CORO2B: variants seen among roughly 807,000 people sequenced by gnomAD.
The protein encoded by CORO2B is coronin-2B.
A neutral mutation model predicts 58.8 loss-of-function variants in CORO2B; 26 were observed. The observed-to-expected ratio is 0.44, with a 90% CI of 0.32 to 0.61. The LOEUF (loss-of-function observed/expected upper bound fraction) is 0.61, where lower values mean the gene tolerates loss of function less well. Among genes scored for constraint, CORO2B ranks in the 20% least tolerant of loss-of-function variants. CORO2B has a pLI of 0.04. For synonymous variants in CORO2B, 242 were observed against 253.8 expected (o/e 0.95, Z 0.44); for missense variants, 460 against 645.1 (o/e 0.71, Z 3.11).
chr15:68,650,989 C>T (rs1901623012), intron 2 of CORO2B, among the ~76,000 whole-genome samples: 1 of 152,160 alleles, frequency 6.6e-6, no homozygotes, highest in South Asian at 2.1e-4. Context: ...CAAATGTTTC[C>T]TCCCAGAGTA....
At chr15:68,657,972 G>A (rs1428669643) in intron 2 of CORO2B, among the ~76,000 whole-genome samples, 1 of 152,220 alleles carries the variant, frequency 6.6e-6, no homozygotes, top group Non-Finnish European at 1.5e-5. Flanking sequence ...TTGGTGGGGA[G>A]GGAGCAATGC....
chr15:68,719,469 A>G lies in CORO2B; in HGVS notation c.1228A>G (p.Lys410Glu). The change falls in exon 11 of 12, where the codon AAG (lysine) becomes GAG (glutamate). Residue 410 changes from lysine to glutamate, a missense_variant. Coordinates refer to ENST00000261861, the MANE Select transcript of CORO2B (RefSeq NM_006091.5). ...TAAGAAGTCCTCAAAAATGGTATTT[A>G]AGGCTCCCATCAAAGAAAAGAAGAG... ...GYKKSSKMVF[K>E]APIKEKKSVV... 1 of 1,614,154 alleles carries G rather than the reference A, an allele frequency of 6.2e-7. No individual in the cohort carries two copies. Among genetic ancestry groups the G allele is most frequent in the East Asian group, 2.2e-5 (1 of 44,884 alleles).
At position 68,645,842 on chromosome 15, in the gene CORO2B, C is replaced by T. The variant is rs549476099; in HGVS notation, c.216+482C>T. On this transcript the variant is annotated intron_variant, in intron 2 of 11. Coordinates refer to ENST00000261861, the MANE Select transcript of CORO2B (RefSeq NM_006091.5). The surrounding 1 kb of genome is among the most constrained non-coding windows in gnomAD (Gnocchi z 4.5). ...AGGCTGAAGTTCAATGGCGCGATCT[C>T]GGCTCACTGCAACCTCTGCCTCCCA... Among the ~76,000 whole-genome samples, 37 of 152,126 alleles carry T rather than the reference C, an allele frequency of 2.4e-4. No homozygotes were observed. Among genetic ancestry groups the T allele is most frequent in the Non-Finnish European group, 4.1e-4 (28 of 67,996 alleles).
intron 2 of CORO2B, among the ~76,000 whole-genome samples, chr15:68,685,827 A>G (rs1317525871): frequency 6.6e-6 from 1 of 152,190 alleles, no homozygotes; most frequent in Non-Finnish European, 1.5e-5. Context: ...CTCACTGGGC[A>G]TTGGGATTAC....
At chr15:68,722,253 A>G (rs1269791719) in intron 11 of CORO2B, among the ~76,000 whole-genome samples, 1 of 152,190 alleles carries the variant, frequency 6.6e-6, no homozygotes, top group African/African-American at 2.4e-5. Flanking sequence ...CTGGAGGAAA[A>G]GCTTAAAGGG....
chr15:68,634,306 G>A (rs1900958147), intron 1 of CORO2B, among the ~76,000 whole-genome samples: 1 of 152,234 alleles, frequency 6.6e-6, no homozygotes, highest in Admixed American at 6.5e-5. Context: ...ATTAGGCCCA[G>A]CTCTTTTACT....
At chr15:68,627,871 T>C (rs1007856956) in intron 1 of CORO2B, among the ~76,000 whole-genome samples, 3 of 152,012 alleles carry the variant, frequency 2.0e-5, no homozygotes, top group Non-Finnish European at 4.4e-5. Flanking sequence ...CCCTGTATCA[T>C]AGCTAACATA....
Position 68,726,343 on chromosome 15 carries a change from G to A in CORO2B, c.*369G>A, listed in dbSNP as rs757859991. 6.8e-6 allele frequency: 2 copies of A among 293,516 alleles called. No individual in the cohort carries two copies. The highest frequency in any genetic ancestry group is 1.3e-5 in the Non-Finnish European group (2 of 153,700). 18.2% of individuals were successfully genotyped at this position (293,516 alleles called of 1,614,324 possible). ...GACTTAGAACTTGGACTTTTCCCCT[G>A]TGAAGGGGGCTGCCAGGACATCTCA... On this transcript the variant is annotated 3_prime_UTR_variant, in exon 12 of 12. Coordinates refer to ENST00000261861, the MANE Select transcript of CORO2B (RefSeq NM_006091.5).
intron 1 of CORO2B, among the ~76,000 whole-genome samples, chr15:68,644,774 T>C (rs1042479540): frequency 3.3e-5 from 5 of 152,130 alleles, no homozygotes; most frequent in African/African-American, 1.2e-4. Context: ...GCATCTCCCA[T>C]GCTGAACCGA....
At position 68,599,051 on chromosome 15, in the gene CORO2B, C is replaced by G. The variant is rs16952288; in HGVS notation, c.15+19774C>G. Among the ~76,000 whole-genome samples the G allele has an allele frequency of 3.5e-3, 531 of 152,318 alleles. 8 individuals carry two copies. The highest frequency in any genetic ancestry group is 0.012 in the African/African-American group (493 of 41,558). On this transcript the variant is annotated intron_variant, in intron 1 of 11. Transcript: ENST00000261861. ...TGCCCAAACCACTTGGCTGGGCATTCAAAGCCTTCACTCTCTGGCCACCAT... is the reference window on the plus strand; with the variant it reads ...TGCCCAAACCACTTGGCTGGGCATTGAAAGCCTTCACTCTCTGGCCACCAT...
At chr15:68,608,372 C>G (rs1287639217) in intron 1 of CORO2B, among the ~76,000 whole-genome samples, 2 of 152,222 alleles carry the variant, frequency 1.3e-5, no homozygotes, top group African/African-American at 4.8e-5. Context: ...CTCCCTCCCC[C>G]ACACTGTGGT....
Position 68,710,157 on chromosome 15 carries a change from A to G in CORO2B, c.334-575A>G, listed in dbSNP as rs1892879993. Among the ~76,000 whole-genome samples, 1 of 152,190 alleles carries G rather than the reference A, an allele frequency of 6.6e-6. No individual in the cohort carries two copies. Among genetic ancestry groups the G allele is most frequent in the African/African-American group, 2.4e-5 (1 of 41,450 alleles). On this transcript the variant is annotated intron_variant, in intron 3 of 11. Transcript: ENST00000261861. This position sits in a 1 kb window ranked among gnomAD's most constrained non-coding sequence, Gnocchi z 4.1. ...TAGCAGCTCTATCCAGGCTCTGCCC[A>G]TCCTTTCAGCTCAGGCCCCAACATC... is the stretch of plus-strand genomic sequence containing the variant.
chr15:68,652,395 C>A (rs187477255), intron 2 of CORO2B, among the ~76,000 whole-genome samples: 14 of 152,340 alleles, frequency 9.2e-5, no homozygotes, highest in Admixed American at 3.3e-4. Context: ...GCCTGATTAA[C>A]CACTGGGGCC....
intron 11 of CORO2B, among the ~76,000 whole-genome samples, chr15:68,723,524 G>A (rs973274982): frequency 3.3e-5 from 5 of 151,536 alleles, no homozygotes; most frequent in African/African-American, 7.3e-5. Context: ...GCATGATCTC[G>A]GCTCACTGCA....
At chr15:68,691,059 G>C (rs1892347271) in intron 2 of CORO2B, among the ~76,000 whole-genome samples, 1 of 151,770 alleles carries the variant, frequency 6.6e-6, no homozygotes, top group Non-Finnish European at 1.5e-5. Context: ...GCCAGGTGCG[G>C]TGGCTCACGC....
chr15:68,531,720 T>A, the CORO2B span, among the ~76,000 whole-genome samples: 2 of 151,714 alleles, frequency 1.3e-5, no homozygotes, highest in Non-Finnish European at 2.9e-5. Flanking sequence ...ATATTTTATA[T>A]TTACCAACAT....
chr15:68,628,801 A>G (rs1900750894), intron 1 of CORO2B, among the ~76,000 whole-genome samples: 2 of 152,190 alleles, frequency 1.3e-5, no homozygotes, highest in African/African-American at 4.8e-5. Flanking sequence ...GGACTCACCC[A>G]GCCTCTCCAT....
intron 1 of CORO2B, among the ~76,000 whole-genome samples, chr15:68,639,938 G>C (rs1264928132): frequency 6.6e-6 from 1 of 152,178 alleles, no homozygotes. Flanking sequence ...AAGGGTAAAG[G>C]CAAAGGGCCA....
At chr15:68,641,001 G>A (rs755904376) in intron 1 of CORO2B, among the ~76,000 whole-genome samples, 2 of 152,076 alleles carry the variant, frequency 1.3e-5, no homozygotes, top group African/African-American at 2.4e-5. Flanking sequence ...GGAGCTCCAC[G>A]CCCAGGGTTG....
Sources: allele counts gnomAD v4.1 joint callset (sites outside exome capture counted in the v4.1 genomes callset), GRCh38; gene constraint gnomAD v4.1.1; non-coding constraint Gnocchi (gnomAD v3.1); transcripts MANE v1.5; gene names NCBI Gene and HGNC (gene_info 2026-07-23, HGNC 2026-07-21).